Variants in SVIL observed in about 807,000 individuals in gnomAD.
SVIL encodes supervillin.
In SVIL, 101 loss-of-function variants were observed where a neutral mutation model predicts 240.4. That is an observed-to-expected ratio of 0.42 (90% CI 0.36 to 0.50). SVIL has a LOEUF of 0.50. Ranked by LOEUF, SVIL falls within the 20% of genes least tolerant of loss-of-function variation. SVIL has a pLI of 0.01. For missense variants in SVIL, 2,512 were observed against 2,818.7 expected (o/e 0.89, Z 2.46); for synonymous variants, 999 against 1,100.0 (o/e 0.91, Z 1.82).
At chr10:29,518,907 G>A (rs1360509776) in intron 16 of SVIL, among the ~76,000 whole-genome samples, 2 of 152,160 alleles carry the variant, frequency 1.3e-5, no homozygotes, top group African/African-American at 4.8e-5. Flanking sequence ...TACAAAATGT[G>A]GAAGGCAGTC....
At chr10:29,676,042 C>T (rs1235824316) in intron 2 of SVIL, among the ~76,000 whole-genome samples, 1 of 152,252 alleles carries the variant, frequency 6.6e-6, no homozygotes, top group African/African-American at 2.4e-5. Flanking sequence ...ATGATAACTA[C>T]TGACCCCCTG....
chr10:29,690,320 A>G (rs1961404540), intron 1 of SVIL, among the ~76,000 whole-genome samples: 1 of 152,164 alleles, frequency 6.6e-6, no homozygotes, highest in Admixed American at 6.5e-5. Context: ...AATTTTTTTC[A>G]TGATAAAGTC....
chr10:29,572,977 A>G (rs573447438), intron 1 of SVIL, among the ~76,000 whole-genome samples: 2 of 152,050 alleles, frequency 1.3e-5, no homozygotes, highest in Non-Finnish European at 2.9e-5. Flanking sequence ...CTAAATGTTT[A>G]TTTTGAATTA....
intron 16 of SVIL, among the ~76,000 whole-genome samples, chr10:29,514,159 C>T (rs1950047921): frequency 1.6e-5 from 1 of 60,764 alleles, no homozygotes; most frequent in South Asian, 4.6e-4. Flanking sequence ...ATATTTTTAT[C>T]CATAAATATT....
intron 9 of SVIL, 51 bp downstream of exon 9, chr10:29,531,951 T>G (rs755047350): frequency 1.9e-6 from 3 of 1,599,360 alleles, no homozygotes; most frequent in Non-Finnish European, 1.7e-6. Context: ...GTAAAACTCC[T>G]GTGTCATTGC....
intron 2 of SVIL, among the ~76,000 whole-genome samples, chr10:29,672,022 G>A (rs1227225775): frequency 6.6e-6 from 1 of 152,008 alleles, no homozygotes; most frequent in Non-Finnish European, 1.5e-5. Flanking sequence ...CCCAGTAGTC[G>A]CTGACCCACT....
At chr10:29,676,980 T>C (rs559225726) in intron 2 of SVIL, among the ~76,000 whole-genome samples, 9 of 152,306 alleles carry the variant, frequency 5.9e-5, no homozygotes, top group Non-Finnish European at 1.2e-4. Context: ...CGGACATTTC[T>C]AAATAAAGGA....
chr10:29,648,575 G>A (rs1476644277), intron 3 of SVIL, among the ~76,000 whole-genome samples: 1 of 152,130 alleles, frequency 6.6e-6, no homozygotes, highest in Non-Finnish European at 1.5e-5. Context: ...CTCTGGAGAG[G>A]CAGTTAGTTC....
intron 32 of SVIL, among the ~76,000 whole-genome samples, 163 bp downstream of exon 32, chr10:29,470,113 C>A (rs549938287): frequency 6.6e-6 from 1 of 152,180 alleles, no homozygotes; most frequent in South Asian, 2.1e-4. Context: ...TGTGTCCTCT[C>A]TGCTCGGAAT....
chr10:29,643,631 C>T (rs938556428), intron 3 of SVIL, among the ~76,000 whole-genome samples: 9 of 152,102 alleles, frequency 5.9e-5, no homozygotes, highest in African/African-American at 1.9e-4. Flanking sequence ...ACCAACAACC[C>T]CCCACCCCTG....
chr10:29,564,321 G>C (rs1954777669), intron 2 of SVIL, among the ~76,000 whole-genome samples: 2 of 152,190 alleles, frequency 1.3e-5, no homozygotes, highest in South Asian at 4.1e-4. Context: ...CCATCTCCTA[G>C]TTTCATACTA....
intron 6 of SVIL, among the ~76,000 whole-genome samples, chr10:29,540,792 G>A (rs764567839): frequency 6.6e-5 from 10 of 152,160 alleles, no homozygotes; most frequent in Non-Finnish European, 1.2e-4. Flanking sequence ...AGAGTTACCC[G>A]ATTACCTATG....
chr10:29,494,428 T>C (rs1251760445), intron 20 of SVIL, among the ~76,000 whole-genome samples: 1 of 152,244 alleles, frequency 6.6e-6, no homozygotes, highest in African/African-American at 2.4e-5. Context: ...GTTTCCAGGA[T>C]TGGGCATTTT....
chr10:29,517,193 C>T lies in SVIL; in HGVS notation c.3390-4332G>A, dbSNP rs537431309. ...TTGGAAGGCTGAGGTGGGAGGATCG[C>T]TTGAGGCCAGGAGGTGGGAGACCAG... On this transcript the variant is annotated intron_variant, in intron 16 of 37. Transcript: ENST00000355867. Among the ~76,000 whole-genome samples the T allele has an allele frequency of 3.0e-3, 459 of 152,110 alleles. 1 individual carries two copies. Among genetic ancestry groups the T allele is most frequent in the African/African-American group, 0.01 (432 of 41,514 alleles).
In SVIL at chr10:29,550,973, C is replaced by T. The variant is rs548608447; in HGVS notation, c.451G>A (p.Gly151Arg). ...GACTCTTCCTGTTTGTCACTTTTTC[C>T]TCCCCGCTTCTCGACAGCATCAGGC... is the stretch of plus-strand genomic sequence containing the variant. The part of the protein sequence containing the change: ...KEPDAVEKRG[G>R]KSDKQEESSR... The change falls in exon 6 of 38, where the codon GGA becomes AGA. Residue 151 changes from glycine (G) to arginine (R), a missense_variant. Physicochemically the swap from Gly to Arg is moderately radical, Grantham distance 125. This residue lies in a region of SVIL where 1,443 missense variants were observed against 1,486.6 expected (regional missense o/e 0.97). Transcript: ENST00000355867. 3 of 1,614,102 alleles carry T rather than the reference C, an allele frequency of 1.9e-6. No homozygotes were observed. Among genetic ancestry groups the T allele is most frequent in the Admixed American group, 3.3e-5 (2 of 60,002 alleles).
upstream of SVIL, among the ~76,000 whole-genome samples, chr10:29,637,699 C>T (rs184879719): frequency 4.9e-4 from 74 of 152,346 alleles, no homozygotes; most frequent in African/African-American, 1.8e-3. Context: ...AGCAATTAGA[C>T]ACCCCTAGGC....
chr10:29,519,280 G>A (rs535869252), intron 16 of SVIL, among the ~76,000 whole-genome samples: 2 of 152,106 alleles, frequency 1.3e-5, no homozygotes, highest in Non-Finnish European at 2.9e-5. Context: ...TGAGCGCACC[G>A]CGGTCTCACC....
rs368654288 is a variant in SVIL, at chr10:29,523,537, T to C, written c.3077A>G (p.Gln1026Arg). 1 of 1,614,194 alleles carries C rather than the reference T, an allele frequency of 6.2e-7. No homozygotes were observed. The highest frequency in any genetic ancestry group is 8.5e-7 in the Non-Finnish European group (1 of 1,180,034). The change falls in exon 15 of 38, where the codon CAA (glutamine) becomes CGA (arginine). Residue 1026 changes from glutamine (Q) to arginine (R), a missense_variant. Physicochemically the swap from Gln to Arg is conservative, Grantham distance 43 (BLOSUM62 1). Transcript: ENST00000355867. ...KEFSMAKMNA[Q>R]GNLDLRDRLP... ...CCTGTCCCTCAAGTCCAAGTTTCCT[T>C]GTGCATTCATTTTAGCCATGGAAAA...
At chr10:29,694,490 T>C (rs916209417) in intron 1 of SVIL, among the ~76,000 whole-genome samples, 1 of 152,134 alleles carries the variant, frequency 6.6e-6, no homozygotes, top group African/African-American at 2.4e-5. Context: ...GATCGAGTTT[T>C]ACTCTGTCAC....
Sources: gnomAD v4.1 joint callset for allele counts (sites outside exome capture counted in the v4.1 genomes callset) on GRCh38, gnomAD v4.1.1 for gene constraint, gnomAD v4.1.1 regional missense constraint, MANE v1.5 for transcripts, NCBI Gene and HGNC (gene_info 2026-07-23, HGNC 2026-07-21) for gene names.